Variants in PTBP2 observed in about 807,000 individuals in gnomAD.
PTBP2 encodes polypyrimidine tract-binding protein 2.
A neutral mutation model predicts 61.4 loss-of-function variants in PTBP2; 13 were observed. The ratio of observed to expected loss-of-function variants is 0.21; its 90% CI spans 0.14 to 0.34. The LOEUF is 0.34. Ranked by LOEUF, PTBP2 falls within the 10% of genes least tolerant of loss-of-function variation. The pLI is 1.00. For synonymous variants in PTBP2, 215 were observed against 218.5 expected (o/e 0.98, Z 0.14); for missense variants, 405 against 642.6 (o/e 0.63, Z 4.00).
intron 2 of PTBP2, among the ~76,000 whole-genome samples, chr1:96,731,948 G>T (rs1651475660): frequency 1.3e-5 from 2 of 152,126 alleles, no homozygotes; most frequent in South Asian, 4.1e-4. Flanking sequence ...AATAATTCAG[G>T]ATGGTCCCCA....
chr1:96,772,509 C>T (rs1357817994), intron 5 of PTBP2, among the ~76,000 whole-genome samples: 1 of 152,128 alleles, frequency 6.6e-6, no homozygotes, highest in Non-Finnish European at 1.5e-5. Context: ...TGCGGTAGAT[C>T]ACCAGAACCT....
At chr1:96,811,108 G>A (rs1662041839) in intron 11 of PTBP2, among the ~76,000 whole-genome samples, 1 of 151,606 alleles carries the variant, frequency 6.6e-6, no homozygotes, top group Non-Finnish European at 1.5e-5. Context: ...TCAATGGCTA[G>A]TGGTTATCAT....
chr1:96,796,944 T>C (rs1011873964), intron 8 of PTBP2, among the ~76,000 whole-genome samples: 5 of 152,126 alleles, frequency 3.3e-5, no homozygotes, highest in African/African-American at 1.2e-4. Flanking sequence ...AAAATGAAGA[T>C]GTATCAAAAG....
chr1:96,736,976 TTTTC>T (rs151189985), intron 2 of PTBP2, among the ~76,000 whole-genome samples: 40,065 of 151,032 alleles, frequency 0.27, 6,540 homozygotes, highest in East Asian at 0.44. Flanking sequence ...CTGGCCACCT[TTTTC>T]TTTCTTTCTT....
chr1:96,810,995 C>T (rs1318023365), intron 11 of PTBP2, among the ~76,000 whole-genome samples: 4 of 149,882 alleles, frequency 2.7e-5, no homozygotes, highest in Admixed American at 1.3e-4. Flanking sequence ...TTAGCCTTGG[C>T]GAAAAATCTG....
At chr1:96,739,284 G>T (rs1026696321) in intron 2 of PTBP2, among the ~76,000 whole-genome samples, 9 of 151,966 alleles carry the variant, frequency 5.9e-5, no homozygotes, top group Admixed American at 5.9e-4. Context: ...TGCATAACTT[G>T]ATATAAATCT....
chr1:96,746,839 C>G (rs1167760289), intron 2 of PTBP2, among the ~76,000 whole-genome samples: 5 of 78,072 alleles, frequency 6.4e-5, no homozygotes, highest in African/African-American at 1.2e-4. Flanking sequence ...CTGTCTGTCT[C>G]CCTCCCTCCC....
chr1:96,783,364 G>A (rs1346471378), intron 7 of PTBP2, among the ~76,000 whole-genome samples: 1 of 151,804 alleles, frequency 6.6e-6, no homozygotes, highest in African/African-American at 2.4e-5. Context: ...CCTACATAAA[G>A]TTTTTGTTTT....
chr1:96,768,201 C>A (rs1656960805), intron 3 of PTBP2, among the ~76,000 whole-genome samples: 1 of 152,026 alleles, frequency 6.6e-6, no homozygotes, highest in Admixed American at 6.5e-5. Context: ...CTAGTTAGTC[C>A]AGCTCCCTAC....
intron 3 of PTBP2, among the ~76,000 whole-genome samples, chr1:96,759,816 A>C (rs1655593621): frequency 6.6e-6 from 1 of 152,236 alleles, no homozygotes; most frequent in East Asian, 1.9e-4. Context: ...TGCTGCTGAT[A>C]AAGACGTACC....
At chr1:96,765,164 C>T (rs1262759890) in intron 3 of PTBP2, among the ~76,000 whole-genome samples, 2 of 152,062 alleles carry the variant, frequency 1.3e-5, no homozygotes, top group Non-Finnish European at 1.5e-5. Context: ...CTAGAAAACA[C>T]TGCTTTGCCT....
intron 2 of PTBP2, among the ~76,000 whole-genome samples, chr1:96,738,627 T>C (rs979729392): frequency 6.6e-6 from 1 of 152,216 alleles, no homozygotes; most frequent in East Asian, 1.9e-4. Flanking sequence ...TCCTAGTTTG[T>C]AATATTGAGG....
At chr1:96,782,095 A>G (rs555120838) in intron 7 of PTBP2, among the ~76,000 whole-genome samples, 12 of 152,028 alleles carry the variant, frequency 7.9e-5, no homozygotes, top group Admixed American at 1.3e-4. Context: ...CTTACATTAT[A>G]ACACACATAA....
At chr1:96,798,582 TTGACATTGTTCAAAATCATAGAG>T (rs1660629715) in intron 8 of PTBP2, among the ~76,000 whole-genome samples, 1 of 152,150 alleles carries the variant, frequency 6.6e-6, no homozygotes. Context: ...AGGGATAAAT[TTGACATTGTTCAAAATCATAGAG>T]TAAACTCTCA....
intron 8 of PTBP2, among the ~76,000 whole-genome samples, chr1:96,797,558 G>A (rs554149635): frequency 6.6e-6 from 1 of 152,072 alleles, no homozygotes; most frequent in Non-Finnish European, 1.5e-5. Context: ...CCCCTTGGTG[G>A]TATACATGGG....
At chr1:96,738,811 G>C (rs1180705074) in intron 2 of PTBP2, among the ~76,000 whole-genome samples, 2 of 152,140 alleles carry the variant, frequency 1.3e-5, no homozygotes, top group African/African-American at 4.8e-5. Flanking sequence ...TGTAGGAGTA[G>C]TGCTTTAGAA....
chr1:96,771,216 AT>A (rs1158457634), intron 5 of PTBP2: 9 of 154,722 alleles, frequency 5.8e-5, no homozygotes, highest in Non-Finnish European at 8.6e-5. Context: ...CTTACGGAAA[AT>A]TTTTTTTTGA....
chr1:96,777,412 T>TA (rs1045475870), intron 5 of PTBP2, among the ~76,000 whole-genome samples, 173 bp from the exon 6 acceptor site: 1 of 152,302 alleles, frequency 6.6e-6, no homozygotes, highest in African/African-American at 2.4e-5. Flanking sequence ...TTTGATTTAT[T>TA]AAACAGGTAG....
intron 2 of PTBP2, among the ~76,000 whole-genome samples, chr1:96,730,975 G>A (rs1651316428): frequency 6.6e-6 from 1 of 152,102 alleles, no homozygotes; most frequent in East Asian, 1.9e-4. Context: ...TCTGGGTCAT[G>A]TTATTCTGTC....
Sources: gnomAD v4.1 joint callset for allele counts (sites outside exome capture counted in the v4.1 genomes callset) on GRCh38, gnomAD v4.1.1 for gene constraint, MANE v1.5 for transcripts, NCBI Gene and HGNC (gene_info 2026-07-23, HGNC 2026-07-21) for gene names.